The following PTPRD variants were observed in gnomAD, a reference collection of about 807,000 sequenced individuals.
PTPRD encodes receptor-type tyrosine-protein phosphatase delta.
A neutral mutation model predicts 214.5 loss-of-function variants in PTPRD; 34 were observed. The ratio of observed to expected loss-of-function variants is 0.16; its 90% CI spans 0.12 to 0.21. The LOEUF is 0.21. Among genes scored for constraint, PTPRD ranks in the 10% least tolerant of loss-of-function variants. The pLI is 1.00. For missense variants in PTPRD, 2,545 were observed against 2,398.7 expected (o/e 1.06, Z -1.27); for synonymous variants, 1,128 against 845.7 (o/e 1.33, Z -5.79).
intron 3 of PTPRD, among the ~76,000 whole-genome samples, chr9:10,199,557 G>T (rs1179552921): frequency 6.6e-6 from 1 of 152,050 alleles, no homozygotes; most frequent in Non-Finnish European, 1.5e-5. Context: ...AGAAATGGGT[G>T]AGGGCTCTGT....
chr9:10,483,034 T>C (rs1393495787), intron 2 of PTPRD, among the ~76,000 whole-genome samples: 2 of 152,102 alleles, frequency 1.3e-5, no homozygotes, highest in African/African-American at 2.4e-5. Context: ...CAACTTCAAA[T>C]TATATTGTAA....
intron 6 of PTPRD, among the ~76,000 whole-genome samples, chr9:9,758,768 A>AC (rs1325086845): frequency 3.4e-5 from 1 of 29,420 alleles, no homozygotes; most frequent in Non-Finnish European, 7.3e-5. Flanking sequence ...CACTACTCCC[A>AC]CCCCCCATAT....
rs538094673 is a variant in PTPRD at position 9,908,764 on chromosome 9, T to A, written c.-368+29743A>T. ...TCAGGAGTGATGAACAAACAAAATA[T>A]AACATATTTATCTATGAAACTTATC... On this transcript the variant is annotated intron_variant, in intron 5 of 45. Coordinates refer to ENST00000381196, the MANE Select transcript of PTPRD (RefSeq NM_002839.4). Among the ~76,000 whole-genome samples, 3 of 152,098 alleles carry A rather than the reference T, an allele frequency of 2.0e-5. No individual in the cohort carries two copies. In the South Asian group the frequency reaches 6.2e-4, roughly 31 times the overall value.
chr9:9,600,923 C>G (rs1261803490), intron 7 of PTPRD, among the ~76,000 whole-genome samples: 1 of 151,938 alleles, frequency 6.6e-6, no homozygotes, highest in Non-Finnish European at 1.5e-5. Context: ...TTTAAGGTGG[C>G]TTTCTTGTTT....
intron 9 of PTPRD, among the ~76,000 whole-genome samples, chr9:9,202,769 G>C (rs190928377): frequency 6.6e-6 from 1 of 152,322 alleles, no homozygotes; most frequent in African/African-American, 2.4e-5. Flanking sequence ...GAACACAACT[G>C]TTCAGTTATG....
chr9:9,909,336 G>A (rs918202986), intron 5 of PTPRD, among the ~76,000 whole-genome samples: 1 of 140,150 alleles, frequency 7.1e-6, no homozygotes, highest in Non-Finnish European at 1.5e-5. Flanking sequence ...TTTTTTTTAC[G>A]GCTTTTCCTA....
intron 44 of PTPRD, among the ~76,000 whole-genome samples, chr9:8,328,863 T>G (rs1836732127): frequency 6.6e-6 from 1 of 152,098 alleles, no homozygotes; most frequent in Admixed American, 6.6e-5. Flanking sequence ...TTGTGCTGTG[T>G]TTTTCAGCTC....
intron 5 of PTPRD, among the ~76,000 whole-genome samples, chr9:9,864,057 C>T (rs1050758637): frequency 2.6e-5 from 4 of 152,196 alleles, no homozygotes; most frequent in Non-Finnish European, 5.9e-5. Flanking sequence ...ATAATCCCAG[C>T]ACTTTAGGAG....
chr9:8,914,252 A>T (rs971815764), intron 11 of PTPRD, among the ~76,000 whole-genome samples: 35 of 152,176 alleles, frequency 2.3e-4, no homozygotes, highest in Non-Finnish European at 4.4e-4. Flanking sequence ...TTTAAAATAA[A>T]TAAGGAAGAA....
intron 6 of PTPRD, among the ~76,000 whole-genome samples, chr9:9,764,183 TTAA>T (rs1451350980): frequency 6.6e-6 from 1 of 152,190 alleles, no homozygotes; most frequent in Non-Finnish European, 1.5e-5. Context: ...TAATTATTTA[TTAA>T]TGAGAGTTGA....
chr9:9,562,813 G>T (rs1272872483), intron 8 of PTPRD, among the ~76,000 whole-genome samples: 1 of 151,946 alleles, frequency 6.6e-6, no homozygotes, highest in Non-Finnish European at 1.5e-5. Flanking sequence ...CTTTCAACCT[G>T]TTCTACTTTT....
intron 7 of PTPRD, among the ~76,000 whole-genome samples, chr9:9,618,220 T>A (rs758000705): frequency 1.3e-5 from 2 of 149,374 alleles, no homozygotes; most frequent in African/African-American, 4.9e-5. Context: ...TTAGACACCA[T>A]CCTTAGATTT....
At chr9:9,169,134 CTGTT>C (rs2099909659) in intron 10 of PTPRD, among the ~76,000 whole-genome samples, 1 of 152,072 alleles carries the variant, frequency 6.6e-6, no homozygotes, top group Non-Finnish European at 1.5e-5. Context: ...ATCTAATACA[CTGTT>C]TGCTTAATAA....
In PTPRD at chr9:8,915,419, C is replaced by T. The variant is rs190506402; in HGVS notation, c.-104+103278G>A. Among the ~76,000 whole-genome samples, 7 of 152,140 alleles carry T rather than the reference C, an allele frequency of 4.6e-5. No homozygotes were observed. In the East Asian group the frequency reaches 7.7e-4, roughly 17 times the overall value. On this transcript the variant is annotated intron_variant, in intron 11 of 45. Coordinates refer to ENST00000381196, the MANE Select transcript of PTPRD (RefSeq NM_002839.4). ...AGGCATATATAGAAAGTAAGATCAA[C>T]GGGGATTGTGGACCACTGCATGTAT... is the stretch of plus-strand genomic sequence containing the variant.
intron 5 of PTPRD, among the ~76,000 whole-genome samples, chr9:9,806,910 C>T (rs1213086078): frequency 6.6e-6 from 1 of 152,096 alleles, no homozygotes; most frequent in Non-Finnish European, 1.5e-5. Context: ...TGTGGCCCCT[C>T]CCAAGTGCTG....
chr9:8,892,607 GTGTATATATA>G (rs1566865614), intron 11 of PTPRD, among the ~76,000 whole-genome samples: 3 of 146,702 alleles, frequency 2.0e-5, no homozygotes, highest in Non-Finnish European at 4.6e-5. Flanking sequence ...ATATATATGT[GTGTATATATA>G]TGTGTATATA....
rs183691709 is a variant in PTPRD at position 9,824,863 on chromosome 9, G to T, written c.-367-58012C>A. Among the ~76,000 whole-genome samples, 438 of 152,066 alleles carry T rather than the reference G, an allele frequency of 2.9e-3. 1 individual carries two copies. Among genetic ancestry groups the T allele is most frequent in the African/African-American group, 9.8e-3 (408 of 41,528 alleles). On this transcript the variant is annotated intron_variant, in intron 5 of 45. Transcript: ENST00000381196. Reference sequence around the variant, plus strand: ...CAAACTGCTCTATACCAGTATTCATGTCCAGGCACAAAAATGAAAGGCCCA... The same window carrying T: ...CAAACTGCTCTATACCAGTATTCATTTCCAGGCACAAAAATGAAAGGCCCA...
At chr9:9,369,961 T>C (rs937005452) in intron 9 of PTPRD, among the ~76,000 whole-genome samples, 2 of 152,124 alleles carry the variant, frequency 1.3e-5, no homozygotes, top group East Asian at 1.9e-4. Context: ...TTCTGTTCCA[T>C]TGATCTATAT....
At chr9:9,572,567 A>G (rs1033535989) in intron 8 of PTPRD, among the ~76,000 whole-genome samples, 1 of 74,466 alleles carries the variant, frequency 1.3e-5, no homozygotes, top group Non-Finnish European at 3.3e-5. Context: ...ATATGTATAT[A>G]TATATATATA....
Sources: allele counts gnomAD v4.1 joint callset (sites outside exome capture counted in the v4.1 genomes callset), GRCh38; gene constraint gnomAD v4.1.1; transcripts MANE v1.5; gene names NCBI Gene and HGNC (gene_info 2026-07-23, HGNC 2026-07-21).